The following KIAA0232 variants were observed in gnomAD, a reference collection of about 807,000 sequenced individuals.
KIAA0232 encodes the protein KIAA0232.
A neutral mutation model predicts 122.0 loss-of-function variants in KIAA0232; 27 were observed. That is an observed-to-expected ratio of 0.22 (90% CI 0.16 to 0.31). The LOEUF (loss-of-function observed/expected upper bound fraction) is 0.31. Ranked by LOEUF, KIAA0232 falls within the 10% of genes least tolerant of loss-of-function variation. KIAA0232 has a pLI of 1.00. For synonymous variants in KIAA0232, 613 were observed against 587.6 expected (o/e 1.04, Z -0.63); for missense variants, 1,551 against 1,634.2 (o/e 0.95, Z 0.88).
At chr4:6,877,453 C>T (rs1196701156) in intron 9 of KIAA0232, among the ~76,000 whole-genome samples, 1 of 152,100 alleles carries the variant, frequency 6.6e-6, no homozygotes, top group Non-Finnish European at 1.5e-5. Context: ...TAGGGTTCTC[C>T]AGAGGGACAG....
intron 2 of KIAA0232, among the ~76,000 whole-genome samples, chr4:6,818,303 A>T (rs1718234421): frequency 6.6e-6 from 1 of 151,062 alleles, no homozygotes; most frequent in Non-Finnish European, 1.5e-5. Context: ...CGGGAGGCCG[A>T]GGCAGAGAAT....
At chr4:6,807,074 CTATCTATT>C (rs767914301) in intron 2 of KIAA0232, among the ~76,000 whole-genome samples, 58 of 141,644 alleles carry the variant, frequency 4.1e-4, no homozygotes, top group African/African-American at 1.1e-3. Flanking sequence ...ATCTATCTAT[CTATCTATT>C]TAAGACAGGG....
At chr4:6,800,506 A>AC (rs1717340924) in intron 1 of KIAA0232, among the ~76,000 whole-genome samples, 1 of 150,290 alleles carries the variant, frequency 6.7e-6, no homozygotes, top group Non-Finnish European at 1.5e-5. Context: ...ACATGGAGAA[A>AC]CCCCATCTCT....
chr4:6,869,782 T>C (rs1223373750), intron 7 of KIAA0232, among the ~76,000 whole-genome samples: 1 of 152,266 alleles, frequency 6.6e-6, no homozygotes, highest in Non-Finnish European at 1.5e-5. Flanking sequence ...TGAACAGTTT[T>C]AGACCCATAA....
At chr4:6,829,298 G>A (rs1315572835) in intron 3 of KIAA0232, among the ~76,000 whole-genome samples, 1 of 152,140 alleles carries the variant, frequency 6.6e-6, no homozygotes, top group Non-Finnish European at 1.5e-5. Context: ...GGTTTATCAT[G>A]GTTCAGATGG....
chr4:6,849,854 T>C (rs188911718), intron 4 of KIAA0232, among the ~76,000 whole-genome samples: 6 of 152,186 alleles, frequency 3.9e-5, no homozygotes, highest in African/African-American at 9.6e-5. Context: ...GATTAACATA[T>C]GAGATGCCTC....
intron 2 of KIAA0232, among the ~76,000 whole-genome samples, chr4:6,818,880 T>A (rs1718275770): frequency 6.6e-6 from 1 of 152,096 alleles, no homozygotes; most frequent in Non-Finnish European, 1.5e-5. Context: ...AAAACAGATA[T>A]GTAGACCAAT....
intron 1 of KIAA0232, among the ~76,000 whole-genome samples, chr4:6,799,876 G>A (rs1560163228): frequency 1.3e-5 from 2 of 150,964 alleles, no homozygotes; most frequent in Non-Finnish European, 3.0e-5. Flanking sequence ...TGTATTTTTA[G>A]TGGAGACGGG....
Position 6,863,057 on chromosome 4 carries a change from G to T in KIAA0232, c.2675G>T (p.Ser892Ile). Residue 892 changes from serine (S) to isoleucine (I), a missense_variant, in exon 7 of 10, where the codon AGC becomes ATC. Ser to Ile is a moderately radical substitution (Grantham distance 142). This residue lies in a region of KIAA0232 where 1,108 missense variants were observed against 1,154.8 expected (regional missense o/e 0.96). Transcript: ENST00000307659. ...CATCTGTGGGAGGGACAGAAAGAGAGCCTGGAGAAAAGAGCATTTGCTTCT... is the reference window on the plus strand; with the variant it reads ...CATCTGTGGGAGGGACAGAAAGAGATCCTGGAGAAAAGAGCATTTGCTTCT... Reference protein sequence around the residue: ...EYHLWEGQKESLEKRAFASSE... With the variant: ...EYHLWEGQKEILEKRAFASSE... 6.2e-7 allele frequency: 1 copy of T among 1,614,256 alleles called. No homozygotes were observed. The highest frequency in any genetic ancestry group is 8.5e-7 in the Non-Finnish European group (1 of 1,180,042).
chr4:6,870,240 G>A (rs1221789157), intron 7 of KIAA0232, among the ~76,000 whole-genome samples: 1 of 152,228 alleles, frequency 6.6e-6, no homozygotes, highest in African/African-American at 2.4e-5. Context: ...GCGGGGCCCA[G>A]CCAGGACTTG....
chr4:6,870,341 C>T (rs1178191900), intron 7 of KIAA0232, among the ~76,000 whole-genome samples: 1 of 152,220 alleles, frequency 6.6e-6, no homozygotes, highest in African/African-American at 2.4e-5. Context: ...ATATGAGTCT[C>T]TCCCGCTCTC....
intron 1 of KIAA0232, among the ~76,000 whole-genome samples, chr4:6,798,588 G>A (rs1020953616): frequency 3.3e-5 from 5 of 152,192 alleles, no homozygotes; most frequent in African/African-American, 1.2e-4. Flanking sequence ...GGGTCTCGCT[G>A]TCGCACAGGC....
chr4:6,859,100 T>TAAAAAAAA (rs34866239), intron 6 of KIAA0232, among the ~76,000 whole-genome samples: 1 of 106,294 alleles, frequency 9.4e-6, no homozygotes, highest in African/African-American at 3.6e-5. Flanking sequence ...TCTGTCTTAT[T>TAAAAAAAA]AAAAAAAAAA....
chr4:6,884,112 TA>T lies in KIAA0232; in HGVS notation c.*3150del, dbSNP rs1722196750. ...CTGTAAACATGTATGAGGGGACTTT[TA>T]AAAGTTCATGGAAAATGGAATTAAA... On this transcript the variant is annotated 3_prime_UTR_variant, in exon 10 of 10. Transcript: ENST00000307659. 1 of 152,206 alleles carries T rather than the reference TA, an allele frequency of 6.6e-6. No homozygotes were observed. Among genetic ancestry groups the T allele is most frequent in the Non-Finnish European group, 1.5e-5 (1 of 68,038 alleles). 9.4% of individuals were successfully genotyped at this position (152,206 alleles called of 1,614,324 possible).
At chr4:6,814,596 T>C (rs372214169) in intron 2 of KIAA0232, among the ~76,000 whole-genome samples, 86 of 152,290 alleles carry the variant, frequency 5.6e-4, no homozygotes, top group South Asian at 4.4e-3. Context: ...GATAGACTTT[T>C]CATTTTCCCA....
chr4:6,845,313 G>C (rs756456184), intron 4 of KIAA0232, among the ~76,000 whole-genome samples: 4 of 152,180 alleles, frequency 2.6e-5, no homozygotes, highest in Non-Finnish European at 5.9e-5. Context: ...GAGAAAACTT[G>C]GCAGAGAAAA....
chr4:6,854,575 C>A (rs77385873), intron 4 of KIAA0232, among the ~76,000 whole-genome samples: 6 of 152,290 alleles, frequency 3.9e-5, no homozygotes, highest in Non-Finnish European at 5.9e-5. Flanking sequence ...CTGAAACTTG[C>A]CAGCGTCTGT....
intron 2 of KIAA0232, among the ~76,000 whole-genome samples, chr4:6,816,574 G>A (rs1269352463): frequency 6.6e-6 from 1 of 152,104 alleles, no homozygotes; most frequent in African/African-American, 2.4e-5. Flanking sequence ...GAGCCACCTC[G>A]CTCAGCCTGT....
intron 2 of KIAA0232, 58 bp from the exon 3 acceptor site, chr4:6,824,127 G>C (rs186715428): frequency 6.1e-4 from 257 of 422,510 alleles, no homozygotes; most frequent in Admixed American, 2.9e-3. Context: ...TCCTCAAAAG[G>C]TCAATAATTT....
Sources: allele counts gnomAD v4.1 joint callset (sites outside exome capture counted in the v4.1 genomes callset), GRCh38; gene constraint gnomAD v4.1.1; regional missense constraint gnomAD v4.1.1; transcripts MANE v1.5; gene names NCBI Gene and HGNC (gene_info 2026-07-23, HGNC 2026-07-21).